Variants in DGKB observed in about 807,000 individuals in gnomAD.
DGKB encodes the protein 90 kDa diacylglycerol kinase.
In DGKB, 67 loss-of-function variants were observed where a neutral mutation model predicts 114.3. The observed-to-expected ratio is 0.59, with a 90% CI of 0.48 to 0.72. The LOEUF (loss-of-function observed/expected upper bound fraction) is 0.72, where lower values mean the gene tolerates loss of function less well. Among genes scored for constraint, DGKB ranks in the 30% least tolerant of loss-of-function variants. DGKB has a pLI of 0.00. For missense variants in DGKB, 907 were observed against 975.2 expected (o/e 0.93, Z 0.93); for synonymous variants, 398 against 323.1 (o/e 1.23, Z -2.49).
At chr7:14,559,096 C>T (rs1673951442) in intron 20 of DGKB, among the ~76,000 whole-genome samples, 1 of 152,126 alleles carries the variant, frequency 6.6e-6, no homozygotes, top group Admixed American at 6.5e-5. Context: ...ACCAACATGA[C>T]CTAACACCAT....
chr7:14,889,781 A>G (rs1780895343), intron 1 of DGKB, among the ~76,000 whole-genome samples: 1 of 151,646 alleles, frequency 6.6e-6, no homozygotes, highest in Non-Finnish European at 1.5e-5. Context: ...AACAAAAAGT[A>G]TGGAATTGGA....
chr7:14,500,695 G>C (rs1786027696), intron 20 of DGKB, among the ~76,000 whole-genome samples: 1 of 151,580 alleles, frequency 6.6e-6, no homozygotes, highest in African/African-American at 2.4e-5. Context: ...CTGGTAGTTG[G>C]GTGTGAAATT....
intron 1 of DGKB, among the ~76,000 whole-genome samples, chr7:14,922,400 G>GTGTGTC (rs1562877928): frequency 1.3e-5 from 2 of 151,740 alleles, no homozygotes; most frequent in African/African-American, 4.8e-5. Flanking sequence ...GTGTGTGTGT[G>GTGTGTC]TGTGTGTGTG....
chr7:14,958,504 G>A lies in DGKB; in HGVS notation c.-188+16192C>T, dbSNP rs3899663. Among the ~76,000 whole-genome samples the A allele has an allele frequency of 3.6e-3, 535 of 147,440 alleles. 9 individuals are homozygous for A. Among genetic ancestry groups the A allele is most frequent in the Admixed American group, 0.026 (375 of 14,694 alleles). On this transcript the variant is annotated intron_variant, in intron 1 of 4. Coordinates refer to the DGKB transcript ENST00000437998. Reference sequence around the variant, plus strand: ...CGTCCAGGAGATGTTAATAAAGTCAGAAAAACAAAGAAGAAGCCTAAGCTT... The same window carrying A: ...CGTCCAGGAGATGTTAATAAAGTCAAAAAAACAAAGAAGAAGCCTAAGCTT...
intron 17 of DGKB, among the ~76,000 whole-genome samples, chr7:14,586,991 G>A (rs1257906864): frequency 2.6e-5 from 4 of 152,098 alleles, no homozygotes; most frequent in Admixed American, 6.6e-5. Flanking sequence ...TCTGCAGCTC[G>A]TCGATCAAGG....
intron 21 of DGKB, among the ~76,000 whole-genome samples, chr7:14,460,956 C>T (rs950478806): frequency 6.6e-6 from 1 of 152,084 alleles, no homozygotes; most frequent in Non-Finnish European, 1.5e-5. Flanking sequence ...TCACCCAAAA[C>T]TACACAACTA....
At chr7:14,935,585 T>G (rs1785231726) in intron 1 of DGKB, among the ~76,000 whole-genome samples, 1 of 152,110 alleles carries the variant, frequency 6.6e-6, no homozygotes, top group Non-Finnish European at 1.5e-5. Flanking sequence ...GAATGTAAAA[T>G]AGTTACTATG....
At chr7:14,279,398 C>T (rs1799542563) in intron 23 of DGKB, among the ~76,000 whole-genome samples, 1 of 152,158 alleles carries the variant, frequency 6.6e-6, no homozygotes, top group Non-Finnish European at 1.5e-5. Flanking sequence ...AGGAGGCCTG[C>T]CTGCCTCTGT....
At chr7:14,509,235 T>G (rs2128971719) in intron 20 of DGKB, among the ~76,000 whole-genome samples, 1 of 152,270 alleles carries the variant, frequency 6.6e-6, no homozygotes, top group South Asian at 2.1e-4. Flanking sequence ...ACAATAAAGC[T>G]AATACTGTGG....
chr7:14,471,709 C>T (rs192533700), intron 21 of DGKB, among the ~76,000 whole-genome samples: 11 of 151,860 alleles, frequency 7.2e-5, no homozygotes, highest in Non-Finnish European at 1.2e-4. Flanking sequence ...ACTCACTCTA[C>T]ATATCACAGT....
At chr7:14,159,146 A>G (rs1783481353) in intron 25 of DGKB, among the ~76,000 whole-genome samples, 3 of 152,074 alleles carry the variant, frequency 2.0e-5, no homozygotes, top group Admixed American at 2.0e-4. Flanking sequence ...GAGGGCTCCC[A>G]GGTCCTGCTG....
chr7:14,303,770 T>C (rs1321393362), intron 23 of DGKB, among the ~76,000 whole-genome samples: 1 of 152,096 alleles, frequency 6.6e-6, no homozygotes, highest in Non-Finnish European at 1.5e-5. Flanking sequence ...GTCATCTCTT[T>C]AGTTGTGAAC....
chr7:14,855,036 T>G (rs568301854), intron 1 of DGKB, among the ~76,000 whole-genome samples: 1 of 152,256 alleles, frequency 6.6e-6, no homozygotes, highest in East Asian at 1.9e-4. Flanking sequence ...TGAACCATAT[T>G]ATAAAGGCTC....
chr7:14,788,361 T>G (rs985694791), intron 2 of DGKB, among the ~76,000 whole-genome samples: 1 of 152,224 alleles, frequency 6.6e-6, no homozygotes, highest in Non-Finnish European at 1.5e-5. Context: ...CTATGCCTTT[T>G]ATTTTCTGTG....
intron 23 of DGKB, among the ~76,000 whole-genome samples, chr7:14,277,750 T>C (rs560471806): frequency 2.6e-5 from 4 of 152,334 alleles, no homozygotes; most frequent in South Asian, 2.1e-4. Flanking sequence ...TTTTGACATA[T>C]TGATTTCAGT....
chr7:14,208,066 C>T (rs1368802235), intron 23 of DGKB, among the ~76,000 whole-genome samples: 6 of 151,904 alleles, frequency 3.9e-5, no homozygotes, highest in African/African-American at 9.7e-5. Context: ...AGTTCTGGGT[C>T]CAGATTGTTG....
rs192874032 is a variant in DGKB, at chr7:14,731,764, G to C, written c.322+4277C>G. 3.6e-3 allele frequency among the ~76,000 whole-genome samples: 543 copies of C among 152,226 alleles called. 4 individuals carry two copies. Among genetic ancestry groups the C allele is most frequent in the Non-Finnish European group, 3.4e-3 (232 of 68,012 alleles). On this transcript the variant is annotated intron_variant, in intron 5 of 25. Transcript: ENST00000402815. ...GTATAAAGAAGGAAATTAACAAATG[G>C]TGGGCCCCAAGGATGGAAGCAATAT... is the stretch of plus-strand genomic sequence containing the variant.
chr7:14,172,513 A>G (rs1479746700), intron 25 of DGKB, among the ~76,000 whole-genome samples: 1 of 152,190 alleles, frequency 6.6e-6, no homozygotes, highest in Non-Finnish European at 1.5e-5. Context: ...TTGAGGGTAT[A>G]TAGAGAAGTA....
chr7:14,527,906 G>A (rs538078180), intron 20 of DGKB, among the ~76,000 whole-genome samples: 3 of 152,100 alleles, frequency 2.0e-5, no homozygotes, highest in African/African-American at 7.2e-5. Context: ...ATCTTTTGTG[G>A]AGGTGCCGAG....
Sources: gnomAD v4.1 joint callset for allele counts (sites outside exome capture counted in the v4.1 genomes callset) on GRCh38, gnomAD v4.1.1 for gene constraint, MANE v1.5 for transcripts, NCBI Gene and HGNC (gene_info 2026-07-23, HGNC 2026-07-21) for gene names.